GAS2L1: variants seen among roughly 807,000 people sequenced by gnomAD.
The protein encoded by GAS2L1 is growth arrest specific 2 like 1.
A neutral mutation model predicts 44.0 loss-of-function variants in GAS2L1; 26 were observed. That is an observed-to-expected ratio of 0.59 (90% confidence interval 0.43 to 0.82). The LOEUF is 0.82. Ranked by LOEUF, GAS2L1 falls within the 40% of genes least tolerant of loss-of-function variation. GAS2L1 has a pLI of 0.00. For missense variants in GAS2L1, 1,006 were observed against 983.0 expected (o/e 1.02, Z -0.31); for synonymous variants, 426 against 415.9 (o/e 1.02, Z -0.30).
chr22:29,312,784 G>A, exon 5 of GAS2L1: 1 of 343,142 alleles, frequency 2.9e-6, no homozygotes, highest in Non-Finnish European at 5.2e-6. Flanking sequence ...TTTTGCTCCA[G>A]CCACCTGTCT....
Position 29,308,212 on chromosome 22 carries a change from G to A in GAS2L1, c.107G>A (p.Trp36Ter). The A allele has an allele frequency of 6.2e-7, 1 of 1,608,838 alleles. No homozygotes were observed. Among genetic ancestry groups the A allele is most frequent in the Non-Finnish European group, 8.5e-7 (1 of 1,178,044 alleles). ...GCCATGAAGGAGGACCTGGCCGAGTGGCTCAATGCCTTGTACGGCCTGGGT... is the reference window on the plus strand; with the variant it reads ...GCCATGAAGGAGGACCTGGCCGAGTAGCTCAATGCCTTGTACGGCCTGGGT... Residue 36 changes from tryptophan to a stop codon, truncating the protein, a stop_gained, in exon 1 of 5, where the codon TGG becomes TAG. Transcript: ENST00000618518. LOFTEE classifies it high-confidence loss of function.
exon 5 of GAS2L1, chr22:29,312,165 G>A: frequency 6.2e-7 from 1 of 1,613,050 alleles, no homozygotes; most frequent in South Asian, 1.1e-5. Context: ...GTCCCTCAGC[G>A]TCCTGGGTGG....
Position 29,310,662 on chromosome 22 carries a change from C to T in GAS2L1, c.766C>T (p.Arg256Ter), listed in dbSNP as rs768501433. The change falls in exon 3 of 5, where the codon CGA becomes TGA. Residue 256 changes from arginine (R) to a stop codon, truncating the protein, a stop_gained. Coordinates refer to ENST00000618518, the Ensembl canonical transcript of GAS2L1. LOFTEE classifies it high-confidence loss of function. ...GGTGCTGAGGAGCCACGTGATGGTG[C>T]GAGTGGGTGGTGGCTGGGACACGCT... The T allele has an allele frequency of 1.2e-6, 2 of 1,606,624 alleles. No individual in the cohort carries two copies. The highest frequency in any genetic ancestry group is 8.5e-7 in the Non-Finnish European group (1 of 1,176,848).
chr22:29,307,778 T>C (rs1051280210), exon 1 of GAS2L1: 1 of 216,720 alleles, frequency 4.6e-6, no homozygotes, highest in African/African-American at 2.3e-5. Context: ...CCCTTCACAA[T>C]GGGCGCGCCT....
At chr22:29,310,391 A>C in intron 1 of GAS2L1, 48 bp from the exon 3 acceptor site, 1 of 1,030,798 alleles carries the variant, frequency 9.7e-7, no homozygotes, top group Non-Finnish European at 1.5e-6. Context: ...ATTAAGCCCC[A>C]GGAGGAGGAC....
intron 1 of GAS2L1, 176 bp from the exon 3 acceptor site, chr22:29,310,258 TAAAAA>T (rs1169109475): frequency 9.8e-6 from 3 of 306,798 alleles, no homozygotes; most frequent in African/African-American, 8.3e-5. Context: ...AAAAAAAAAA[TAAAAA>T]AAAATAAAAA....
At position 29,308,343 on chromosome 22, in the gene GAS2L1, C is replaced by T. The variant is rs145806838; in HGVS notation, c.238C>T (p.Arg80Cys). 1.4e-5 allele frequency: 22 copies of T among 1,603,680 alleles called. No individual in the cohort carries two copies. The highest frequency in any genetic ancestry group is 3.4e-4 in the Middle Eastern group (2 of 5,906). ...GGCTGCCCGTGCATTGGCAGCCGCC[C>T]GCCCGGCCCGAGGTGTGGCCTTCCA... is the stretch of plus-strand genomic sequence containing the variant. Residue 80 changes from arginine (R) to cysteine (C), a missense_variant, in exon 1 of 5, where the codon CGC becomes TGC. Transcript: ENST00000618518.
At chr22:29,312,382 C>A in exon 5 of GAS2L1, 1 of 1,594,688 alleles carries the variant, frequency 6.3e-7, no homozygotes, top group African/African-American at 1.3e-5. Flanking sequence ...GACCGTAAAC[C>A]CTCACGTATC....
exon 1 of GAS2L1, chr22:29,308,151 G>C: frequency 6.3e-7 from 1 of 1,586,492 alleles, no homozygotes; most frequent in Non-Finnish European, 8.6e-7. Flanking sequence ...GGCCAAGAGC[G>C]TGCGGCCATT....
intron 4 of GAS2L1, 77 bp from the exon 6 acceptor site, chr22:29,311,385 C>A: frequency 1.6e-6 from 1 of 638,802 alleles, no homozygotes; most frequent in Non-Finnish European, 2.7e-6. Context: ...ACATACCCTG[C>A]TGTTCCTCTC....
chr22:29,307,105 C>T (rs1365643156), exon 1 of GAS2L1: 1 of 151,962 alleles, frequency 6.6e-6, no homozygotes, highest in Non-Finnish European at 1.5e-5. Context: ...CCCGGCCCGG[C>T]TCCGGCCCCC....
chr22:29,310,707 C>T lies in GAS2L1; in HGVS notation c.811C>T (p.His271Tyr), dbSNP rs1167779318. The T allele has an allele frequency of 1.9e-6, 3 of 1,609,512 alleles. No homozygotes were observed. In the African/African-American group the frequency reaches 4.0e-5, roughly 21 times the overall value. ...CACGCTGGAGCATTACCTGGACAAG[C>T]ACGACCCGTGCCGCTGCTCCTCCAC... is the stretch of plus-strand genomic sequence containing the variant. The change falls in exon 3 of 5, where the codon CAC (histidine) becomes TAC (tyrosine). Residue 271 changes from histidine (H) to tyrosine (Y), a missense_variant. Transcript: ENST00000618518.
At chr22:29,308,433 T>A (rs202161456) in exon 1 of GAS2L1, 1 of 1,593,494 alleles carries the variant, frequency 6.3e-7, no homozygotes. Flanking sequence ...CATCGGCTGG[T>A]GCCGCGTGGA....
chr22:29,307,534 C>T (rs1005308746), exon 1 of GAS2L1: 1 of 152,362 alleles, frequency 6.6e-6, no homozygotes, highest in Non-Finnish European at 1.5e-5. Context: ...ATAATGCCTC[C>T]GCGCGCTGAG....
exon 1 of GAS2L1, chr22:29,308,714 C>G: frequency 2.0e-6 from 3 of 1,497,730 alleles, no homozygotes; most frequent in Non-Finnish European, 1.8e-6. Flanking sequence ...TGACACCCAG[C>G]GACCTGCGCA....
chr22:29,309,558 C>T (rs2061382309), intron 1 of GAS2L1, among the ~76,000 whole-genome samples: 1 of 152,366 alleles, frequency 6.6e-6, no homozygotes, highest in Admixed American at 6.5e-5. Context: ...TTTCCTCTGG[C>T]GGCACCACTG....
chr22:29,308,720 G>T, exon 1 of GAS2L1: 1 of 1,494,714 alleles, frequency 6.7e-7, no homozygotes, highest in Admixed American at 2.3e-5. Flanking sequence ...CCAGCGACCT[G>T]CGCAACCTCG....
intron 1 of GAS2L1, 181 bp from the exon 3 acceptor site, chr22:29,310,256 AAT>A (rs2061388523): frequency 1.2e-4 from 46 of 370,002 alleles, no homozygotes; most frequent in South Asian, 7.1e-4. Context: ...AAAAAAAAAA[AAT>A]AAAAAAAAAT....
chr22:29,307,454 AC>A (rs1243550950), exon 1 of GAS2L1: 4 of 152,220 alleles, frequency 2.6e-5, no homozygotes, highest in African/African-American at 9.7e-5. Context: ...GGGCTCCTCC[AC>A]CCACAGCTCT....
Sources: allele counts gnomAD v4.1 joint callset (sites outside exome capture counted in the v4.1 genomes callset), GRCh38; gene constraint gnomAD v4.1.1; transcripts MANE v1.5; gene names NCBI Gene and HGNC (gene_info 2026-07-23, HGNC 2026-07-21).